The following ZNG1F variants were observed in gnomAD, a reference collection of about 807,000 sequenced individuals.
ZNG1F encodes the protein Zn regulated GTPase metalloprotein activator 1F.
chr9:41,196,245 T>C, the ZNG1F span: 2 of 38,958 alleles, frequency 5.1e-5, 1 homozygote, highest in African/African-American at 1.1e-4. Flanking sequence ...GCTTCCAAGA[T>C]GGTATCTCAA....
the ZNG1F span, among the ~76,000 whole-genome samples, chr9:41,137,282 G>A: frequency 0.16 from 23,570 of 147,432 alleles, 2,497 homozygotes; most frequent in South Asian, 0.26. Flanking sequence ...GCATGGTTTT[G>A]AAGGTTCCTT....
chr9:41,165,041 C>A, the ZNG1F span: 1 of 1,584,572 alleles, frequency 6.3e-7, no homozygotes, highest in East Asian at 2.3e-5. Flanking sequence ...TCTTCTGGGA[C>A]CAAGTCTGTT....
At chr9:41,154,751 G>A in the ZNG1F span, among the ~76,000 whole-genome samples, 1 of 150,094 alleles carries the variant, frequency 6.7e-6, no homozygotes. Flanking sequence ...ACAAGCAGTG[G>A]GGAAAGATTC....
the ZNG1F span, among the ~76,000 whole-genome samples, chr9:41,151,366 T>A: frequency 6.7e-6 from 1 of 149,694 alleles, no homozygotes; most frequent in Non-Finnish European, 1.5e-5. Flanking sequence ...AGACCAAATC[T>A]ACATCTGATT....
the ZNG1F span, among the ~76,000 whole-genome samples, chr9:41,175,266 C>A: frequency 1.4e-5 from 2 of 144,640 alleles, no homozygotes; most frequent in Non-Finnish European, 3.0e-5. Flanking sequence ...GCAAGGGCCA[C>A]AAGATCTAAT....
chr9:41,185,566 G>A, the ZNG1F span, among the ~76,000 whole-genome samples: 63 of 149,964 alleles, frequency 4.2e-4, no homozygotes, highest in East Asian at 1.4e-3. Context: ...CCAGCTACTC[G>A]GGAGGCTGAG....
chr9:41,154,749 T>A, the ZNG1F span, among the ~76,000 whole-genome samples: 1 of 150,110 alleles, frequency 6.7e-6, no homozygotes, highest in Non-Finnish European at 1.5e-5. Flanking sequence ...AAACAAGCAG[T>A]GGGGAAAGAT....
At chr9:41,150,062 G>C in the ZNG1F span, among the ~76,000 whole-genome samples, 1 of 37,902 alleles carries the variant, frequency 2.6e-5, no homozygotes, top group East Asian at 6.3e-4. Flanking sequence ...CTGAGGTACC[G>C]GGTTCATCTC....
chr9:41,154,614 G>T, the ZNG1F span, among the ~76,000 whole-genome samples: 1 of 145,738 alleles, frequency 6.9e-6, no homozygotes, highest in Admixed American at 7.0e-5. Context: ...ATACTACAAG[G>T]CTACAGTCAC....
At chr9:41,187,160 T>C in the ZNG1F span, among the ~76,000 whole-genome samples, 1 of 146,498 alleles carries the variant, frequency 6.8e-6, no homozygotes, top group Admixed American at 7.1e-5. Flanking sequence ...CATAGTTCAT[T>C]CATTCAAAGG....
the ZNG1F span, among the ~76,000 whole-genome samples, chr9:41,203,162 T>C: frequency 3.9e-5 from 6 of 152,064 alleles, no homozygotes; most frequent in Admixed American, 1.3e-4. Flanking sequence ...GTGCTTTTAC[T>C]AGAATGTTAA....
the ZNG1F span, among the ~76,000 whole-genome samples, chr9:41,194,003 T>C: frequency 8.9e-3 from 1,263 of 141,554 alleles, no homozygotes; most frequent in African/African-American, 0.032. Flanking sequence ...ACCAAATAAC[T>C]CTATTTATGA....
chr9:41,191,111 G>T, the ZNG1F span, among the ~76,000 whole-genome samples: 5 of 131,572 alleles, frequency 3.8e-5, no homozygotes, highest in Admixed American at 1.7e-4. Flanking sequence ...TCAGTTCACT[G>T]TATTCTGCCA....
At chr9:41,201,088 A>G in the ZNG1F span, among the ~76,000 whole-genome samples, 1 of 145,494 alleles carries the variant, frequency 6.9e-6, no homozygotes, top group Non-Finnish European at 1.5e-5. Context: ...ACATATGTAA[A>G]TATGTATTTT....
chr9:41,184,036 T>C, the ZNG1F span, among the ~76,000 whole-genome samples: 3 of 150,888 alleles, frequency 2.0e-5, no homozygotes, highest in Non-Finnish European at 4.4e-5. Flanking sequence ...CCCTTCAACC[T>C]CTTAAGAGAC....
At chr9:41,132,539 A>C in the ZNG1F span, 1 of 1,389,292 alleles carries the variant, frequency 7.2e-7, no homozygotes, top group Non-Finnish European at 9.4e-7. Context: ...AATGTTTTTA[A>C]TTTTCAAAAA....
chr9:41,185,597 C>T, the ZNG1F span, among the ~76,000 whole-genome samples: 1,362 of 150,928 alleles, frequency 9.0e-3, 4 homozygotes, highest in Admixed American at 0.013. Flanking sequence ...CACTTTAACC[C>T]GGGAGACAGA....
the ZNG1F span, among the ~76,000 whole-genome samples, chr9:41,151,880 C>A: frequency 6.8e-6 from 1 of 146,010 alleles, no homozygotes; most frequent in Non-Finnish European, 1.5e-5. Flanking sequence ...ACAACCGGTA[C>A]CAGCCACTGC....
At chr9:41,134,177 C>G in the ZNG1F span, 1 of 154,562 alleles carries the variant, frequency 6.5e-6, no homozygotes, top group African/African-American at 2.5e-5. Context: ...ATAACTATTT[C>G]ATTTTATAAA....
Sources: allele counts gnomAD v4.1 joint callset (sites outside exome capture counted in the v4.1 genomes callset), GRCh38; gene constraint gnomAD v4.1.1; transcripts MANE v1.5; gene names NCBI Gene and HGNC (gene_info 2026-07-23, HGNC 2026-07-21).